TNKS: variants seen among roughly 807,000 people sequenced by gnomAD.
The protein encoded by TNKS is tankyrase.
A neutral mutation model predicts 135.8 loss-of-function variants in TNKS; 72 were observed. The ratio of observed to expected loss-of-function variants is 0.53; its 90% CI spans 0.44 to 0.64. TNKS has a LOEUF of 0.64. TNKS is among the 30% of genes least tolerant of loss of function. The probability of loss-of-function intolerance (pLI) is 0.00; values close to 1 mark genes in which losing one functional copy is unlikely to be tolerated. For missense variants in TNKS, 1,769 were observed against 1,674.0 expected, an observed-to-expected ratio of 1.06 and a Z score of -0.99; for synonymous variants, 849 against 649.3, an observed-to-expected ratio of 1.31 and a Z score of -4.68.
intron 26 of TNKS, among the ~76,000 whole-genome samples, chr8:9,774,587 T>C (rs1563228946): frequency 1.3e-5 from 2 of 152,240 alleles, no homozygotes; most frequent in Non-Finnish European, 2.9e-5. Context: ...CTTCTAGTTC[T>C]GCAGTTCAGT....
rs7006985 is a variant in TNKS, at chr8:9,706,927, A to G, written c.1386A>G (p.Thr462=). 979,565 of 1,613,178 alleles carry G rather than the reference A, an allele frequency of 0.61. 300,303 individuals carry two copies. The highest frequency in any genetic ancestry group is 0.72 in the Middle Eastern group (4,391 of 6,060). ...TACTTAGCCATGGCGCTGATCCTAC[A>G]TTAGTCAACTGCCATGGCAAAAGTG... is the stretch of plus-strand genomic sequence containing the variant. ...SLLLSHGADP[T]LVNCHGKSAV... is the part of the protein sequence containing the mutation. Residue 462 remains threonine (T), a synonymous_variant, in exon 8 of 27, where the codon ACA becomes ACG. Transcript: ENST00000310430.
intron 11 of TNKS, among the ~76,000 whole-genome samples, chr8:9,711,500 G>A (rs1259197186): frequency 6.6e-6 from 1 of 152,122 alleles, no homozygotes; most frequent in Admixed American, 6.6e-5. Context: ...CCCTGACAAG[G>A]GACACAGGGA....
At chr8:9,644,857 T>A (rs1800858012) in intron 3 of TNKS, among the ~76,000 whole-genome samples, 1 of 152,132 alleles carries the variant, frequency 6.6e-6, no homozygotes, top group Non-Finnish European at 1.5e-5. Flanking sequence ...CTGTTTTTCA[T>A]TTTTAGTACA....
At chr8:9,705,728 G>A (rs1804010256) in intron 6 of TNKS, among the ~76,000 whole-genome samples, 2 of 152,174 alleles carry the variant, frequency 1.3e-5, no homozygotes, top group African/African-American at 4.8e-5. Context: ...GAGTCATCAA[G>A]AGATGTACAC....
intron 3 of TNKS, among the ~76,000 whole-genome samples, chr8:9,675,799 A>G (rs745836525): frequency 6.6e-6 from 1 of 152,132 alleles, no homozygotes; most frequent in Non-Finnish European, 1.5e-5. Context: ...CAGATAATGG[A>G]TAATACTTAG....
intron 2 of TNKS, among the ~76,000 whole-genome samples, chr8:9,584,518 C>T (rs1798294702): frequency 6.6e-6 from 1 of 152,186 alleles, no homozygotes; most frequent in Admixed American, 6.5e-5. Flanking sequence ...GTGCTTCCTA[C>T]TCTTAGCTCT....
chr8:9,763,272 G>C, intron 22 of TNKS, 28 bp downstream of exon 22: 1 of 1,470,814 alleles, frequency 6.8e-7, no homozygotes, highest in Non-Finnish European at 9.4e-7. Flanking sequence ...TCTTTCATTT[G>C]CTTTTCTTGA....
intron 1 of TNKS, among the ~76,000 whole-genome samples, chr8:9,559,624 C>T (rs1797245529): frequency 6.6e-6 from 1 of 152,056 alleles, no homozygotes; most frequent in South Asian, 2.1e-4. Context: ...CTTAAGTAAG[C>T]CCCAGTGTGT....
At chr8:9,662,601 G>A (rs937196392) in intron 3 of TNKS, among the ~76,000 whole-genome samples, 1 of 152,086 alleles carries the variant, frequency 6.6e-6, no homozygotes, top group African/African-American at 2.4e-5. Context: ...GTTGTGTGGT[G>A]GGGATAGGGG....
At chr8:9,593,567 C>G (rs975816483) in intron 2 of TNKS, among the ~76,000 whole-genome samples, 1 of 152,118 alleles carries the variant, frequency 6.6e-6, no homozygotes, top group Non-Finnish European at 1.5e-5. Context: ...CCCTTCCCCC[C>G]AAACCAAAAA....
chr8:9,631,284 T>C (rs1212064335), intron 3 of TNKS, among the ~76,000 whole-genome samples: 3 of 152,200 alleles, frequency 2.0e-5, no homozygotes, highest in African/African-American at 7.2e-5. Context: ...TACCCAGCCA[T>C]GTCAATCATG....
chr8:9,708,730 C>T (rs1363575060), intron 9 of TNKS, among the ~76,000 whole-genome samples: 1 of 152,074 alleles, frequency 6.6e-6, no homozygotes, highest in Non-Finnish European at 1.5e-5. Flanking sequence ...GTCTTCCCCA[C>T]CTCATTATAA....
chr8:9,628,330 G>A (rs865882483), intron 3 of TNKS, among the ~76,000 whole-genome samples: 1 of 152,026 alleles, frequency 6.6e-6, no homozygotes, highest in Admixed American at 6.5e-5. Flanking sequence ...CCTAACGACT[G>A]TACTAAAATG....
Position 9,556,214 on chromosome 8 carries a change from C to T in TNKS, c.275C>T (p.Thr92Ile). The T allele has an allele frequency of 1.2e-6, 2 of 1,614,180 alleles. No individual in the cohort carries two copies. The highest frequency in any genetic ancestry group is 1.7e-6 in the Non-Finnish European group (2 of 1,180,036). The change falls in exon 1 of 27, where the codon ACC (threonine) becomes ATC (isoleucine). Residue 92 changes from threonine (T) to isoleucine (I), a missense_variant. Around this residue, in one of 5 missense-constraint regions of TNKS, gnomAD observed 450 missense variants for 304.9 expected, o/e 1.48. Coordinates refer to ENST00000310430, the MANE Select transcript of TNKS (RefSeq NM_003747.3). ...GTTGACGGTACCAGCTGTTGCAGTA[C>T]CACCAGCACAATCTGTACCGTCGCC... ...DPVDGTSCCS[T>I]TSTICTVAAA... is the part of the protein sequence containing the mutation.
At chr8:9,766,483 CTTTT>C (rs61212620) in intron 25 of TNKS, 58 bp downstream of exon 25, 3,029 of 884,830 alleles carry the variant, frequency 3.4e-3, no homozygotes, top group South Asian at 0.011. Flanking sequence ...ACCAAATTGT[CTTTT>C]TTTTTTTTTT....
intron 2 of TNKS, among the ~76,000 whole-genome samples, chr8:9,587,309 T>C (rs1798419338): frequency 6.6e-6 from 1 of 151,860 alleles, no homozygotes; most frequent in Non-Finnish European, 1.5e-5. Context: ...AACTAAGGAA[T>C]GGGGGTAGCC....
chr8:9,664,011 T>A (rs1391723221), intron 3 of TNKS, among the ~76,000 whole-genome samples: 1 of 152,194 alleles, frequency 6.6e-6, no homozygotes, highest in East Asian at 1.9e-4. Context: ...ACATGATTGT[T>A]TCCTCTGGTA....
intron 3 of TNKS, among the ~76,000 whole-genome samples, chr8:9,639,422 C>T (rs894795557): frequency 1.3e-5 from 2 of 151,234 alleles, no homozygotes; most frequent in African/African-American, 4.9e-5. Context: ...AAAAATGAAA[C>T]ATTTATTTTT....
At chr8:9,608,819 G>C (rs547537075) in intron 2 of TNKS, among the ~76,000 whole-genome samples, 1 of 152,306 alleles carries the variant, frequency 6.6e-6, no homozygotes, top group African/African-American at 2.4e-5. Context: ...AGAGAGTTGG[G>C]TGATTATGGT....
Sources: gnomAD v4.1 joint callset for allele counts (sites outside exome capture counted in the v4.1 genomes callset) on GRCh38, gnomAD v4.1.1 for gene constraint, gnomAD v4.1.1 regional missense constraint, MANE v1.5 for transcripts, NCBI Gene and HGNC (gene_info 2026-07-23, HGNC 2026-07-21) for gene names.